Variants in ZNF407 observed in about 807,000 individuals in gnomAD.
ZNF407 encodes the protein zinc finger protein 407.
Under a neutral mutation model 131.2 loss-of-function variants are expected in ZNF407, and 17 were observed. The observed-to-expected ratio is 0.13, with a 90% CI of 0.09 to 0.19. The LOEUF (loss-of-function observed/expected upper bound fraction) is 0.19. Ranked by LOEUF, ZNF407 falls within the 10% of genes least tolerant of loss-of-function variation. The pLI is 1.00. For synonymous variants in ZNF407, 1,156 were observed against 1,062.0 expected, an observed-to-expected ratio of 1.09 and a Z score of -1.72; for missense variants, 2,681 against 2,830.6, an observed-to-expected ratio of 0.95 and a Z score of 1.20.
In ZNF407 at chr18:74,759,103, T is replaced by G. The variant is rs76673430; in HGVS notation, c.4803-22325T>G. Among the ~76,000 whole-genome samples the G allele has an allele frequency of 2.7e-4, 41 of 152,288 alleles. No homozygotes were observed. In the East Asian group the frequency reaches 7.7e-3, roughly 29 times the overall value. On this transcript the variant is annotated intron_variant, in intron 3 of 8. Transcript: ENST00000299687. ...TCTCCTTTGTTTTCATTTGTACTGTTTTGCTGATACAGAAATTTAGATGAC... is the reference window on the plus strand; with the variant it reads ...TCTCCTTTGTTTTCATTTGTACTGTGTTGCTGATACAGAAATTTAGATGAC...
intron 3 of ZNF407, among the ~76,000 whole-genome samples, chr18:74,675,446 G>A (rs984694157): frequency 6.6e-6 from 1 of 152,094 alleles, no homozygotes; most frequent in African/African-American, 2.4e-5. Context: ...TGTTTGTGGC[G>A]AATGAATAAA....
intron 3 of ZNF407, among the ~76,000 whole-genome samples, chr18:74,676,095 A>T (rs910262777): frequency 6.6e-6 from 1 of 151,820 alleles, no homozygotes; most frequent in Non-Finnish European, 1.5e-5. Flanking sequence ...TTCCTCTTAG[A>T]ATTTTTTTTT....
intron 3 of ZNF407, among the ~76,000 whole-genome samples, chr18:74,778,802 A>G (rs1969529580): frequency 6.6e-6 from 1 of 152,028 alleles, no homozygotes; most frequent in South Asian, 2.1e-4. Context: ...CAGCTAGCAC[A>G]TAGTAAGTGA....
At chr18:75,021,472 G>T (rs149985098) in intron 8 of ZNF407, among the ~76,000 whole-genome samples, 5 of 151,954 alleles carry the variant, frequency 3.3e-5, no homozygotes, top group Non-Finnish European at 7.4e-5. Flanking sequence ...GTCTCACTGC[G>T]TTAGCCAGGC....
chr18:74,660,015 C>T (rs546697727), intron 3 of ZNF407, among the ~76,000 whole-genome samples: 5 of 152,182 alleles, frequency 3.3e-5, no homozygotes, highest in Non-Finnish European at 7.4e-5. Flanking sequence ...CAAAGAACAA[C>T]TTTCTGCATA....
intron 8 of ZNF407, among the ~76,000 whole-genome samples, chr18:75,038,837 A>G (rs1217131293): frequency 6.6e-6 from 1 of 152,226 alleles, no homozygotes; most frequent in African/African-American, 2.4e-5. Context: ...AGCTGTAAAA[A>G]TCCTAAGCAG....
Position 74,772,888 on chromosome 18 carries a change from G to T in ZNF407, c.4803-8540G>T, listed in dbSNP as rs6565847. ...TTTAAAATGGAAAAAGAAAAGTCTT[G>T]GTAGCAAAAAATTATGAAGAAACAA... On this transcript the variant is annotated intron_variant, in intron 3 of 8. Transcript: ENST00000299687. 5.3e-5 allele frequency among the ~76,000 whole-genome samples: 8 copies of T among 152,034 alleles called. No individual in the cohort carries two copies. In the South Asian group the frequency reaches 8.3e-4, roughly 16 times the overall value.
At chr18:75,017,562 G>A (rs1318974035) in intron 8 of ZNF407, among the ~76,000 whole-genome samples, 1 of 152,102 alleles carries the variant, frequency 6.6e-6, no homozygotes, top group Non-Finnish European at 1.5e-5. Flanking sequence ...GGTGATTAAC[G>A]GTGACTGATG....
intron 6 of ZNF407, among the ~76,000 whole-genome samples, chr18:74,886,294 G>C (rs1209062372): frequency 6.6e-6 from 1 of 152,154 alleles, no homozygotes; most frequent in Non-Finnish European, 1.5e-5. Context: ...CAAGTCATAC[G>C]TAGCTGGTAG....
At chr18:74,641,165 A>G (rs1984696538) in intron 3 of ZNF407, 43 bp downstream of exon 3, 2 of 1,480,998 alleles carry the variant, frequency 1.4e-6, no homozygotes, top group East Asian at 4.5e-5. Context: ...ACCAGGAAGC[A>G]TGTGCAGGAT....
At chr18:74,802,053 A>G (rs1970029548) in intron 4 of ZNF407, among the ~76,000 whole-genome samples, 2 of 152,230 alleles carry the variant, frequency 1.3e-5, no homozygotes, top group African/African-American at 4.8e-5. Context: ...ATGAAGGATA[A>G]AATAAATAGA....
At chr18:74,625,334 ATGTG>A (rs72386590) in intron 1 of ZNF407, among the ~76,000 whole-genome samples, 6 of 148,906 alleles carry the variant, frequency 4.0e-5, no homozygotes, top group Non-Finnish European at 7.5e-5. Context: ...CTCTAAGCAA[ATGTG>A]TGTGTGTGTG....
At chr18:74,754,109 T>C (rs1458933620) in intron 3 of ZNF407, among the ~76,000 whole-genome samples, 2 of 152,242 alleles carry the variant, frequency 1.3e-5, no homozygotes, top group Non-Finnish European at 2.9e-5. Context: ...ATCCATTTCT[T>C]CTAGATTTTC....
chr18:75,036,861 T>G (rs563517729), intron 8 of ZNF407, among the ~76,000 whole-genome samples: 22 of 152,364 alleles, frequency 1.4e-4, no homozygotes, highest in Non-Finnish European at 2.4e-4. Flanking sequence ...CCCTCAGAGT[T>G]GTCAACTGAT....
intron 8 of ZNF407, among the ~76,000 whole-genome samples, chr18:75,009,290 T>C (rs1972947038): frequency 6.6e-6 from 1 of 152,230 alleles, no homozygotes; most frequent in Admixed American, 6.5e-5. Flanking sequence ...CTATTGACTT[T>C]TGTCTATTTT....
chr18:74,854,066 AG>A (rs551821415), intron 4 of ZNF407, among the ~76,000 whole-genome samples: 24 of 152,220 alleles, frequency 1.6e-4, no homozygotes, highest in South Asian at 8.3e-4. Flanking sequence ...CGGATGAGTG[AG>A]GGGGCCCAGC....
chr18:74,806,136 T>G (rs1314469266), intron 4 of ZNF407, among the ~76,000 whole-genome samples: 1 of 152,196 alleles, frequency 6.6e-6, no homozygotes, highest in African/African-American at 2.4e-5. Flanking sequence ...CGTGTGCACT[T>G]AGGTTTCCTG....
At chr18:74,742,860 G>T (rs572992345) in intron 3 of ZNF407, among the ~76,000 whole-genome samples, 3 of 152,112 alleles carry the variant, frequency 2.0e-5, no homozygotes, top group African/African-American at 4.8e-5. Flanking sequence ...TGCATAGGAG[G>T]TCTTGAATGT....
At chr18:74,692,379 C>G (rs1362541940) in intron 3 of ZNF407, among the ~76,000 whole-genome samples, 1 of 152,058 alleles carries the variant, frequency 6.6e-6, no homozygotes, top group Non-Finnish European at 1.5e-5. Flanking sequence ...TTGGTTGGCT[C>G]CCAGCTTTCC....
Sources: gnomAD v4.1 joint callset for allele counts (sites outside exome capture counted in the v4.1 genomes callset) on GRCh38, gnomAD v4.1.1 for gene constraint, MANE v1.5 for transcripts, NCBI Gene and HGNC (gene_info 2026-07-23, HGNC 2026-07-21) for gene names.